Variants in PHACTR1 observed in about 807,000 individuals in gnomAD.
PHACTR1 encodes RPEL repeat containing 1.
A neutral mutation model predicts 69.2 loss-of-function variants in PHACTR1; 16 were observed. That is an observed-to-expected ratio of 0.23 (90% CI 0.16 to 0.35). The LOEUF is 0.35. Among genes scored for constraint, PHACTR1 ranks in the 10% least tolerant of loss-of-function variants. The pLI is 1.00. For synonymous variants in PHACTR1, 312 were observed against 284.5 expected (o/e 1.10, Z -0.97); for missense variants, 510 against 734.7 (o/e 0.69, Z 3.54).
intron 10 of PHACTR1, among the ~76,000 whole-genome samples, chr6:13,250,983 A>C (rs1208680953): frequency 2.0e-5 from 3 of 149,508 alleles, no homozygotes; most frequent in African/African-American, 7.4e-5. Flanking sequence ...TATTGTATGA[A>C]GAAAACATAT....
At chr6:13,003,093 C>G (rs1318081411) in intron 4 of PHACTR1, among the ~76,000 whole-genome samples, 2 of 152,076 alleles carry the variant, frequency 1.3e-5, no homozygotes, top group African/African-American at 4.8e-5. Flanking sequence ...TCAGGTCTCC[C>G]TGATATATTG....
At chr6:12,850,464 G>A (rs1779722631) in intron 4 of PHACTR1, among the ~76,000 whole-genome samples, 2 of 152,208 alleles carry the variant, frequency 1.3e-5, no homozygotes, top group African/African-American at 4.8e-5. Context: ...CCTGGGGAAG[G>A]GAAACTTTAC....
intron 8 of PHACTR1, among the ~76,000 whole-genome samples, chr6:13,218,915 A>AGAGAAGAGAAGAGAAGAG: frequency 7.0e-6 from 1 of 142,258 alleles, no homozygotes; most frequent in East Asian, 2.0e-4. Context: ...AGAGAAGAGA[A>AGAGAAGAGAAGAGAAGAG]AAGGTAGAAA....
intron 3 of PHACTR1, among the ~76,000 whole-genome samples, chr6:12,748,949 G>A (rs1455313802): frequency 6.6e-6 from 1 of 152,144 alleles, no homozygotes; most frequent in Non-Finnish European, 1.5e-5. Flanking sequence ...GTTGTAAGGG[G>A]GCAGATAAGA....
At chr6:12,990,975 G>A (rs1430547131) in intron 4 of PHACTR1, among the ~76,000 whole-genome samples, 1 of 152,144 alleles carries the variant, frequency 6.6e-6, no homozygotes, top group Non-Finnish European at 1.5e-5. Context: ...GCCAGCTGGG[G>A]TCTGGGGTTT....
intron 4 of PHACTR1, among the ~76,000 whole-genome samples, chr6:12,759,062 TG>T (rs1314632548): frequency 1.4e-5 from 2 of 141,904 alleles, no homozygotes; most frequent in Admixed American, 7.7e-5. Context: ...AGGCAGAGGT[TG>T]CGGTGAGCCA....
At chr6:12,894,291 C>T (rs1350579583) in intron 4 of PHACTR1, among the ~76,000 whole-genome samples, 2 of 152,170 alleles carry the variant, frequency 1.3e-5, no homozygotes, top group African/African-American at 4.8e-5. Context: ...CCAGGCTTGT[C>T]GCTGCCAGAG....
intron 4 of PHACTR1, among the ~76,000 whole-genome samples, chr6:13,042,114 A>G (rs991682307): frequency 2.6e-5 from 4 of 152,250 alleles, no homozygotes; most frequent in African/African-American, 4.8e-5. Flanking sequence ...CAGAGCCATT[A>G]AAAGGCTAAA....
At chr6:12,881,612 TACTTCATA>T (rs1783099099) in intron 4 of PHACTR1, among the ~76,000 whole-genome samples, 2 of 152,096 alleles carry the variant, frequency 1.3e-5, no homozygotes, top group East Asian at 3.9e-4. Context: ...CCAATTTGTT[TACTTCATA>T]ACGTCATCAC....
rs372053028 is a variant in PHACTR1, at chr6:13,278,288, C to A, written c.1468C>A (p.Gln490Lys). 2 of 1,598,756 alleles carry A rather than the reference C, an allele frequency of 1.3e-6. No homozygotes were observed. The highest frequency in any genetic ancestry group is 1.7e-6 in the Non-Finnish European group (2 of 1,172,498). The change falls in exon 12 of 15, where the codon CAG becomes AAG. Residue 490 changes from glutamine (Q) to lysine (K), a missense_variant. Physicochemically the swap from Gln to Lys is moderately conservative, Grantham distance 53 (BLOSUM62 1). Transcript: ENST00000332995. The stretch of plus-strand genomic sequence containing the variant: ...TTTAGCTCGGAATGAACAAGAGGAA[C>A]AGGAGGAGAAGAGAGAGATCAAGAG... ...ILKPRNEQEE[Q>K]EEKREIKRRL...
rs554781159 is a variant in PHACTR1 at position 13,201,116 on chromosome 6, C to T, written c.665-4699C>T. ...TTCCATCATTGCCCAGCCTCAGAGT[C>T]CTGCTGCAGCACATGTAGGAGGAGC... On this transcript the variant is annotated intron_variant, in intron 7 of 14. Coordinates refer to ENST00000332995, the MANE Select transcript of PHACTR1 (RefSeq NM_030948.6). Among the ~76,000 whole-genome samples the T allele has an allele frequency of 5.9e-5, 9 of 152,190 alleles. No homozygotes were observed. The South Asian group carries it at 1.9e-3, about 32-fold the overall frequency.
intron 5 of PHACTR1, among the ~76,000 whole-genome samples, chr6:13,108,046 A>G (rs1304895802): frequency 6.6e-6 from 1 of 152,112 alleles, no homozygotes; most frequent in Non-Finnish European, 1.5e-5. Context: ...GCACTGCTTC[A>G]GCTACATCTC....
At chr6:12,972,540 GAAT>G (rs1794347812) in intron 4 of PHACTR1, among the ~76,000 whole-genome samples, 1 of 152,126 alleles carries the variant, frequency 6.6e-6, no homozygotes, top group Non-Finnish European at 1.5e-5. Context: ...CTCTAGAAGA[GAAT>G]CCATTTCTGT....
At chr6:12,960,266 A>C (rs755072846) in intron 4 of PHACTR1, among the ~76,000 whole-genome samples, 11 of 152,256 alleles carry the variant, frequency 7.2e-5, no homozygotes, top group Non-Finnish European at 1.3e-4. Flanking sequence ...TGCCTGAAAA[A>C]GTACTTGCTA....
intron 4 of PHACTR1, among the ~76,000 whole-genome samples, chr6:12,978,872 T>C (rs1795186894): frequency 6.6e-6 from 1 of 152,244 alleles, no homozygotes; most frequent in Non-Finnish European, 1.5e-5. Flanking sequence ...CTGAGTTGTT[T>C]GACCACCAGG....
chr6:13,242,035 C>CAAAAAAAAA (rs747990237), intron 10 of PHACTR1, among the ~76,000 whole-genome samples: 2 of 58,624 alleles, frequency 3.4e-5, no homozygotes, highest in Admixed American at 2.0e-4. Context: ...GATTCTGTCT[C>CAAAAAAAAA]AAAAAAAAAA....
chr6:13,184,472 A>C (rs1232209667), intron 7 of PHACTR1, among the ~76,000 whole-genome samples: 1 of 152,212 alleles, frequency 6.6e-6, no homozygotes, highest in Non-Finnish European at 1.5e-5. Context: ...CATGAGTCCC[A>C]TCTTAGAGCA....
intron 10 of PHACTR1, among the ~76,000 whole-genome samples, chr6:13,240,741 C>T (rs191127676): frequency 2.8e-4 from 43 of 152,294 alleles, no homozygotes; most frequent in African/African-American, 9.9e-4. Flanking sequence ...ACCACTGTAC[C>T]CAGCCAGGAT....
At chr6:13,274,587 T>A (rs1223804628) in intron 11 of PHACTR1, 1 of 152,196 alleles carries the variant, frequency 6.6e-6, no homozygotes, top group African/African-American at 2.4e-5. Flanking sequence ...GGGGATTATT[T>A]AGGTTTCAGA....
Sources: gnomAD v4.1 joint callset for allele counts (sites outside exome capture counted in the v4.1 genomes callset) on GRCh38, gnomAD v4.1.1 for gene constraint, MANE v1.5 for transcripts, NCBI Gene and HGNC (gene_info 2026-07-23, HGNC 2026-07-21) for gene names.